PTPRJ: variants seen among roughly 807,000 people sequenced by gnomAD.
The protein encoded by PTPRJ is receptor-type tyrosine-protein phosphatase eta.
In PTPRJ, 129 loss-of-function variants were observed where a neutral mutation model predicts 141.3. The ratio of observed to expected loss-of-function variants is 0.91; its 90% CI spans 0.79 to 1.06. The LOEUF (loss-of-function observed/expected upper bound fraction) is 1.06. PTPRJ is among the 50% of genes least tolerant of loss of function. The probability of loss-of-function intolerance (pLI) is 0.00; values close to 1 mark genes in which losing one functional copy is unlikely to be tolerated. For synonymous variants in PTPRJ, 610 were observed against 640.5 expected (o/e 0.95, Z 0.72); for missense variants, 1,601 against 1,679.7 (o/e 0.95, Z 0.82).
At position 48,158,438 on chromosome 11, in the gene PTPRJ, T is replaced by G. The variant is rs1345731201; in HGVS notation, c.3439-1492T>G. Among the ~76,000 whole-genome samples the G allele has an allele frequency of 6.6e-6, 1 of 152,162 alleles. No homozygotes were observed. The highest frequency in any genetic ancestry group is 2.4e-5 in the African/African-American group (1 of 41,450). ...TTTTCTGTAACAACCCTGTGAGGTA[T>G]TATGATTTCATAGATGAGGTAACTG... On this transcript the variant is annotated intron_variant, in intron 21 of 24. Transcript: ENST00000418331. This position sits in a 1 kb window ranked among gnomAD's most constrained non-coding sequence, Gnocchi z 4.4.
chr11:48,167,220 T>C lies in PTPRJ; in HGVS notation c.3872T>C (p.Leu1291Pro). 1 of 1,612,268 alleles carries C rather than the reference T, an allele frequency of 6.2e-7. No homozygotes were observed. The highest frequency in any genetic ancestry group is 8.5e-7 in the Non-Finnish European group (1 of 1,178,478). ...MVQTEDQYVF[L>P]NQCVLDIVRS... ...TTCTATCAGGACCAGTATGTTTTCC[T>C]CAATCAGTGTGTTTTGGATATTGTC... The change falls in exon 25 of 25, where the codon CTC (leucine) becomes CCC (proline). Residue 1291 changes from leucine to proline, a missense_variant. Transcript: ENST00000418331.
chr11:48,159,570 A>G (rs1238988642), intron 21 of PTPRJ, among the ~76,000 whole-genome samples: 1 of 152,220 alleles, frequency 6.6e-6, no homozygotes, highest in East Asian at 1.9e-4. Context: ...AAATTTTAAG[A>G]GTTGGCAAGA....
intron 1 of PTPRJ, among the ~76,000 whole-genome samples, chr11:47,992,815 G>C (rs969314128): frequency 1.3e-5 from 2 of 152,122 alleles, no homozygotes; most frequent in African/African-American, 4.8e-5. Context: ...TTGCTGGTGA[G>C]TATTGTCCAT....
chr11:48,157,518 A>G (rs1034051617), intron 21 of PTPRJ, among the ~76,000 whole-genome samples: 3 of 152,236 alleles, frequency 2.0e-5, no homozygotes, highest in African/African-American at 7.2e-5. Flanking sequence ...TTCTACCCTC[A>G]GAGTTTCTAA....
chr11:48,164,281 A>T, intron 23 of PTPRJ, 99 bp from the exon 24 acceptor site: 2 of 1,447,960 alleles, frequency 1.4e-6, no homozygotes, highest in Non-Finnish European at 1.9e-6. Context: ...TCAAAGTGTG[A>T]CAGTGAAGGA....
chr11:48,071,607 C>CTTTTTTTTTTT (rs35993560), intron 1 of PTPRJ, among the ~76,000 whole-genome samples: 1 of 82,436 alleles, frequency 1.2e-5, no homozygotes, highest in Non-Finnish European at 2.2e-5. Flanking sequence ...CGCACCCAGC[C>CTTTTTTTTTTT]TTTTTTTTTT....
chr11:48,063,918 A>ATGTGTGTGTGTGTGTG (rs113736420), intron 1 of PTPRJ, among the ~76,000 whole-genome samples: 1 of 147,484 alleles, frequency 6.8e-6, no homozygotes, highest in Admixed American at 6.8e-5. Flanking sequence ...TTCTCAGCTT[A>ATGTGTGTGTGTGTGTG]TGTGTGTGTG....
At chr11:48,085,259 CTT>C (rs35669006) in intron 1 of PTPRJ, among the ~76,000 whole-genome samples, 91,114 of 147,106 alleles carry the variant, frequency 0.62, 31,253 homozygotes, top group East Asian at 0.83. Context: ...ATCTCTCTCA[CTT>C]TTTTTTTTTT....
At chr11:48,155,323 C>T (rs1338514031) in intron 19 of PTPRJ, among the ~76,000 whole-genome samples, 1 of 152,192 alleles carries the variant, frequency 6.6e-6, no homozygotes, top group Non-Finnish European at 1.5e-5. Flanking sequence ...TGAATTTTGA[C>T]TGCCCCTCAC....
chr11:48,111,660 A>G (rs1246748773), intron 2 of PTPRJ, among the ~76,000 whole-genome samples: 2 of 152,174 alleles, frequency 1.3e-5, no homozygotes, highest in Non-Finnish European at 2.9e-5. Flanking sequence ...CTATTCAAAC[A>G]TCTACCGTAG....
intron 1 of PTPRJ, among the ~76,000 whole-genome samples, chr11:48,026,354 A>T (rs554033679): frequency 6.6e-6 from 1 of 152,262 alleles, no homozygotes; most frequent in South Asian, 2.1e-4. Flanking sequence ...GGAGCAGGTA[A>T]AGCTGGATCC....
At chr11:47,996,808 C>T (rs1246919524) in intron 1 of PTPRJ, among the ~76,000 whole-genome samples, 1 of 152,158 alleles carries the variant, frequency 6.6e-6, no homozygotes, top group Non-Finnish European at 1.5e-5. Flanking sequence ...TCACCAAATC[C>T]TATGGTGAGA....
chr11:48,063,836 G>T (rs772815258), intron 1 of PTPRJ, among the ~76,000 whole-genome samples: 1 of 151,944 alleles, frequency 6.6e-6, no homozygotes, highest in East Asian at 1.9e-4. Context: ...GAACTTTTTC[G>T]CCCTTCTGTT....
At chr11:48,029,901 T>C (rs1022062715) in intron 1 of PTPRJ, among the ~76,000 whole-genome samples, 3 of 152,192 alleles carry the variant, frequency 2.0e-5, no homozygotes, top group Non-Finnish European at 4.4e-5. Context: ...CTCCCTTCCA[T>C]GTAGGAACCT....
chr11:48,020,507 C>A (rs898583983), intron 1 of PTPRJ, among the ~76,000 whole-genome samples: 103 of 152,212 alleles, frequency 6.8e-4, no homozygotes, highest in Non-Finnish European at 2.9e-5. Flanking sequence ...CTTGTGAGAA[C>A]CCTTGTACAT....
chr11:48,107,226 C>A (rs1286826896), intron 1 of PTPRJ, among the ~76,000 whole-genome samples: 5 of 150,984 alleles, frequency 3.3e-5, no homozygotes, highest in Non-Finnish European at 7.4e-5. Flanking sequence ...ACAGTTGGGA[C>A]TGGCAGTGGT....
chr11:48,090,098 C>T (rs1485623888), intron 1 of PTPRJ, among the ~76,000 whole-genome samples: 1 of 152,172 alleles, frequency 6.6e-6, no homozygotes, highest in African/African-American at 2.4e-5. Flanking sequence ...CCTCCCTCCC[C>T]CCAACCAAGG....
intron 1 of PTPRJ, among the ~76,000 whole-genome samples, chr11:47,998,626 T>C (rs1299532965): frequency 6.6e-6 from 1 of 152,198 alleles, no homozygotes; most frequent in Non-Finnish European, 1.5e-5. Context: ...CCTTAGAGGA[T>C]TGTGATCAAG....
At chr11:48,159,666 G>C (rs968598644) in intron 21 of PTPRJ, among the ~76,000 whole-genome samples, 1 of 152,200 alleles carries the variant, frequency 6.6e-6, no homozygotes, top group African/African-American at 2.4e-5. Flanking sequence ...TGAGGCATGA[G>C]GATTGCTTGA....
Sources: allele counts gnomAD v4.1 joint callset (sites outside exome capture counted in the v4.1 genomes callset), GRCh38; gene constraint gnomAD v4.1.1; non-coding constraint Gnocchi (gnomAD v3.1); transcripts MANE v1.5; gene names NCBI Gene and HGNC (gene_info 2026-07-23, HGNC 2026-07-21).